The following POLA1 variants were observed in gnomAD, a reference collection of about 807,000 sequenced individuals.
POLA1 encodes DNA polymerase alpha 1, catalytic subunit.
POLA1 carries 15 observed loss-of-function variants against 124.0 expected under a neutral mutation model. The observed-to-expected ratio is 0.12, with a 90% CI of 0.08 to 0.19. POLA1 has a LOEUF of 0.19. POLA1 is among the 10% of genes least tolerant of loss of function. POLA1 has a pLI of 1.00. For synonymous variants in POLA1, 408 were observed against 389.4 expected (o/e 1.05, Z -0.56); for missense variants, 886 against 1,103.4 (o/e 0.80, Z 2.79).
chrX:24,908,896 G>A (rs1433016819), intron 35 of POLA1, among the ~76,000 whole-genome samples: 1 of 111,745 alleles, frequency 8.9e-6, no homozygotes, highest in Non-Finnish European at 1.9e-5. Flanking sequence ...TCCAGCACCT[G>A]TTGTTTCCTG....
intron 26 of POLA1, among the ~76,000 whole-genome samples, chrX:24,786,861 T>G (rs189958944): frequency 9.3e-6 from 1 of 107,104 alleles, no homozygotes; most frequent in East Asian, 2.9e-4. Flanking sequence ...GCCCCTCTAA[T>G]TTTTTTTAAA....
At chrX:24,907,679 T>C (rs1298857235) in intron 35 of POLA1, among the ~76,000 whole-genome samples, 1 of 111,303 alleles carries the variant, frequency 9.0e-6, no homozygotes, top group Non-Finnish European at 1.9e-5. Context: ...CTCAGATGAG[T>C]AGGATAATTC....
intron 4 of POLA1, among the ~76,000 whole-genome samples, chrX:24,709,509 C>T (rs1479792584): frequency 1.8e-5 from 2 of 109,724 alleles, no homozygotes; most frequent in Non-Finnish European, 3.9e-5. Flanking sequence ...ACCTCCCTCC[C>T]GGACGGGGTG....
chrX:24,956,541 C>T (rs996613979), intron 36 of POLA1, among the ~76,000 whole-genome samples: 2 of 110,122 alleles, frequency 1.8e-5, no homozygotes, highest in African/African-American at 3.3e-5. Flanking sequence ...GACTCCCTGA[C>T]CAAAGAAGTT....
intron 36 of POLA1, among the ~76,000 whole-genome samples, chrX:24,951,347 C>T (rs985913453): frequency 1.7e-4 from 7 of 41,982 alleles, no homozygotes; most frequent in African/African-American, 1.0e-3. Context: ...CTCCCTACCC[C>T]CCCCCCCCCC....
intron 35 of POLA1, among the ~76,000 whole-genome samples, chrX:24,901,825 A>G (rs750755950): frequency 1.8e-5 from 2 of 111,847 alleles, no homozygotes; most frequent in African/African-American, 6.5e-5. Context: ...ATTCTAATGT[A>G]TTTAATTATT....
In POLA1 at chrX:24,788,910, G is replaced by A. The variant is rs144300264; in HGVS notation, c.2965-20988G>A. ...TAAGACTTGATGTGATTATACCAAC[G>A]TAGGGCATGACACAAGTCGGCAGGC... On this transcript the variant is annotated intron_variant, in intron 26 of 36. Coordinates refer to ENST00000379068, the MANE Select transcript of POLA1 (RefSeq NM_001330360.2). 3,272 of 1,199,971 alleles carry A rather than the reference G, an allele frequency of 2.7e-3. 45 individuals are homozygous for A. The African/African-American group carries it at 0.037, about 14-fold the overall frequency.
intron 34 of POLA1, among the ~76,000 whole-genome samples, chrX:24,886,180 T>G (rs1192166321): frequency 9.0e-6 from 1 of 111,475 alleles, no homozygotes; most frequent in Admixed American, 9.5e-5. Flanking sequence ...CTGAATTGCT[T>G]TTATAGTCTT....
chrX:24,824,174 G>A (rs2046135368), intron 31 of POLA1, among the ~76,000 whole-genome samples: 1 of 111,986 alleles, frequency 8.9e-6, no homozygotes, highest in Non-Finnish European at 1.9e-5. Flanking sequence ...TTACTACATG[G>A]GCACTTGAAG....
intron 34 of POLA1, among the ~76,000 whole-genome samples, chrX:24,853,985 T>C (rs2046603592): frequency 8.9e-6 from 1 of 112,332 alleles, no homozygotes; most frequent in African/African-American, 3.2e-5. Context: ...TTCTATTTGT[T>C]AGATCCTGAG....
chrX:24,879,649 G>C (rs1329644021), intron 34 of POLA1, among the ~76,000 whole-genome samples: 2 of 111,738 alleles, frequency 1.8e-5, no homozygotes, highest in African/African-American at 3.3e-5. Context: ...GTACTTAGTT[G>C]TGACCTATTA....
intron 36 of POLA1, among the ~76,000 whole-genome samples, chrX:24,944,122 A>G (rs949362882): frequency 1.8e-5 from 2 of 112,060 alleles, no homozygotes; most frequent in African/African-American, 3.2e-5. Context: ...TCTATAGTGC[A>G]TGGTGCGCCA....
At chrX:24,983,464 T>C (rs2048445133) in intron 36 of POLA1, among the ~76,000 whole-genome samples, 1 of 111,805 alleles carries the variant, frequency 8.9e-6, no homozygotes, top group African/African-American at 3.3e-5. Flanking sequence ...AATAAACAAG[T>C]AGAGAAGCCC....
chrX:24,974,249 T>C (rs6628044), intron 36 of POLA1, among the ~76,000 whole-genome samples: 7 of 110,830 alleles, frequency 6.3e-5, no homozygotes, highest in African/African-American at 2.3e-4. Flanking sequence ...TTGTCACAAG[T>C]TGGGGAGAAG....
chrX:24,975,869 A>AC (rs2048360066), intron 36 of POLA1, among the ~76,000 whole-genome samples: 1 of 112,652 alleles, frequency 8.9e-6, no homozygotes, highest in Non-Finnish European at 1.9e-5. Flanking sequence ...CAGTGGTATT[A>AC]GCAGTATCTG....
chrX:24,736,195 C>A (rs1444298866), intron 18 of POLA1, among the ~76,000 whole-genome samples: 1 of 111,439 alleles, frequency 9.0e-6, no homozygotes, highest in African/African-American at 3.3e-5. Context: ...AATTTGGGTA[C>A]ATTAAAGTCT....
chrX:24,892,676 T>C (rs2047156367), intron 35 of POLA1, among the ~76,000 whole-genome samples: 1 of 112,172 alleles, frequency 8.9e-6, no homozygotes, highest in African/African-American at 3.2e-5. Flanking sequence ...CAAACCAAAT[T>C]AAACTTTTTC....
At chrX:24,789,011 G>T in intron 26 of POLA1, 3 of 1,210,060 alleles carry the variant, frequency 2.5e-6, no homozygotes, top group Non-Finnish European at 3.4e-6. Context: ...GCTCTTGTCC[G>T]CCAGGTAATC....
chrX:24,954,092 C>T (rs1032667809), intron 36 of POLA1, among the ~76,000 whole-genome samples: 2 of 112,198 alleles, frequency 1.8e-5, no homozygotes, highest in Non-Finnish European at 3.8e-5. Context: ...GAACCTTCCA[C>T]ATTAGTTCCA....
Sources: gnomAD v4.1 joint callset for allele counts (sites outside exome capture counted in the v4.1 genomes callset) on GRCh38, gnomAD v4.1.1 for gene constraint, MANE v1.5 for transcripts, NCBI Gene and HGNC (gene_info 2026-07-23, HGNC 2026-07-21) for gene names.